Variants in RIMS1 observed in about 807,000 individuals in gnomAD.
The protein encoded by RIMS1 is regulating synaptic membrane exocytosis protein 1.
A neutral mutation model predicts 214.1 loss-of-function variants in RIMS1; 83 were observed. The ratio of observed to expected loss-of-function variants is 0.39; its 90% CI spans 0.32 to 0.47. RIMS1 has a LOEUF of 0.47. Ranked by LOEUF, RIMS1 falls within the 20% of genes least tolerant of loss-of-function variation. The pLI, the probability that RIMS1 is intolerant of heterozygous loss-of-function variation, is 0.99. For missense variants in RIMS1, 2,050 were observed against 2,161.8 expected (o/e 0.95, Z 1.03); for synonymous variants, 793 against 786.8 (o/e 1.01, Z -0.13).
intron 13 of RIMS1, 75 bp downstream of exon 13, chr6:72,250,535 T>A: frequency 8.9e-7 from 1 of 1,121,408 alleles, no homozygotes; most frequent in Non-Finnish European, 1.3e-6. Context: ...TCTTTTGGGA[T>A]GTTTTTAAAA....
intron 26 of RIMS1, among the ~76,000 whole-genome samples, chr6:72,295,144 A>G (rs1249811053): frequency 6.6e-6 from 1 of 151,786 alleles, no homozygotes; most frequent in Non-Finnish European, 1.5e-5. Context: ...TGATGTGTTA[A>G]TTATGTTTTA....
chr6:72,382,511 T>C (rs1048939440), intron 29 of RIMS1, among the ~76,000 whole-genome samples: 2 of 152,200 alleles, frequency 1.3e-5, no homozygotes, highest in African/African-American at 2.4e-5. Context: ...TAATACAAAC[T>C]ACACACAATT....
chr6:72,341,212 A>G (rs1313518009), intron 29 of RIMS1, among the ~76,000 whole-genome samples: 1 of 152,030 alleles, frequency 6.6e-6, no homozygotes, highest in Non-Finnish European at 1.5e-5. Flanking sequence ...TAGGTATACA[A>G]TCATGTCATC....
At chr6:72,038,118 A>AAAAAAAAAAAGAT (rs1820399900) in intron 2 of RIMS1, among the ~76,000 whole-genome samples, 1 of 13,418 alleles carries the variant, frequency 7.5e-5, no homozygotes, top group African/African-American at 3.3e-4. Flanking sequence ...AAAAAAAAAA[A>AAAAAAAAAAAGAT]ATATATATAT....
intron 4 of RIMS1, among the ~76,000 whole-genome samples, chr6:72,106,113 G>A (rs552209465): frequency 6.6e-6 from 1 of 152,032 alleles, no homozygotes; most frequent in Non-Finnish European, 1.5e-5. Context: ...TTCATTGGCC[G>A]ATTTATTTTG....
chr6:72,013,398 T>A (rs1314758576), intron 2 of RIMS1, among the ~76,000 whole-genome samples: 4 of 152,218 alleles, frequency 2.6e-5, no homozygotes, highest in Non-Finnish European at 4.4e-5. Flanking sequence ...GTCCAGTGTA[T>A]ATATTAACTG....
chr6:72,102,359 G>A (rs374955356), intron 4 of RIMS1, among the ~76,000 whole-genome samples: 3 of 151,780 alleles, frequency 2.0e-5, no homozygotes, highest in Admixed American at 2.0e-4. Flanking sequence ...ATAAATGTTA[G>A]CATTACTCTG....
intron 24 of RIMS1, among the ~76,000 whole-genome samples, chr6:72,289,895 G>T (rs1369269824): frequency 6.6e-6 from 1 of 151,736 alleles, no homozygotes; most frequent in Non-Finnish European, 1.5e-5. Context: ...AAAGGCAAAA[G>T]CATGCATTAA....
intron 1 of RIMS1, among the ~76,000 whole-genome samples, chr6:71,918,845 G>A (rs1402050093): frequency 3.3e-5 from 5 of 152,132 alleles, no homozygotes; most frequent in African/African-American, 1.2e-4. Context: ...GGTAGTAGAT[G>A]TTAGAGTGAA....
At chr6:72,032,841 A>G (rs1382826027) in intron 2 of RIMS1, among the ~76,000 whole-genome samples, 1 of 152,170 alleles carries the variant, frequency 6.6e-6, no homozygotes, top group South Asian at 2.1e-4. Flanking sequence ...CTCAAATAGC[A>G]TTTGCCTTGT....
intron 2 of RIMS1, among the ~76,000 whole-genome samples, chr6:72,055,300 A>G (rs191953263): frequency 1.3e-5 from 2 of 152,214 alleles, no homozygotes; most frequent in Admixed American, 1.3e-4. Context: ...TTCCTTATAT[A>G]TTATTATATT....
At chr6:71,986,175 A>T (rs765464643) in intron 2 of RIMS1, among the ~76,000 whole-genome samples, 1 of 143,510 alleles carries the variant, frequency 7.0e-6, no homozygotes, top group Non-Finnish European at 1.5e-5. Flanking sequence ...AGAAACCATC[A>T]CAACTTTGGG....
chr6:72,222,620 T>C (rs1183416891), intron 6 of RIMS1, among the ~76,000 whole-genome samples: 1 of 152,148 alleles, frequency 6.6e-6, no homozygotes, highest in Non-Finnish European at 1.5e-5. Context: ...AGTTTTTCGA[T>C]GTGCCAGATA....
At chr6:71,948,730 G>C (rs373915142) in intron 1 of RIMS1, among the ~76,000 whole-genome samples, 199 of 152,236 alleles carry the variant, frequency 1.3e-3, no homozygotes, top group African/African-American at 4.2e-3. Context: ...AGGATAATAG[G>C]TTGGGCACTG....
At chr6:72,180,536 T>A (rs1478189374) in intron 5 of RIMS1, among the ~76,000 whole-genome samples, 1 of 152,206 alleles carries the variant, frequency 6.6e-6, no homozygotes, top group East Asian at 1.9e-4. Flanking sequence ...ATTTTATAGC[T>A]TTTATTGTAG....
rs577098025 is a variant in RIMS1, at chr6:71,986,231, GAGATACT to G, written c.245+17171_245+17177del. ...TTTAATGTTTCACCCTCTTAGTAGA[GAGATACT>G]AGGTCTTTTCTCATGGTGTCCATAA... On this transcript the variant is annotated intron_variant, in intron 2 of 33. Coordinates refer to ENST00000521978, the MANE Select transcript of RIMS1 (RefSeq NM_014989.7). Among the ~76,000 whole-genome samples, 206 of 148,988 alleles carry G rather than the reference GAGATACT, an allele frequency of 1.4e-3. 2 individuals are homozygous for G. Among genetic ancestry groups the G allele is most frequent in the African/African-American group, 5.0e-3 (201 of 40,432 alleles).
intron 19 of RIMS1, chr6:72,261,254 C>T: frequency 1.0e-6 from 1 of 1,002,186 alleles, no homozygotes; most frequent in South Asian, 4.3e-5. Context: ...TAACAGTTCA[C>T]TTTTAATGGC....
chr6:71,919,435 T>G (rs1433955576), intron 1 of RIMS1, among the ~76,000 whole-genome samples: 1 of 151,958 alleles, frequency 6.6e-6, no homozygotes, highest in Non-Finnish European at 1.5e-5. Context: ...GGTGGGAAGA[T>G]TATCAGTTCG....
intron 6 of RIMS1, among the ~76,000 whole-genome samples, chr6:72,208,017 T>C (rs55708350): frequency 0.18 from 26,939 of 152,010 alleles, 2,966 homozygotes; most frequent in Non-Finnish European, 0.25. Context: ...CACAGGGCCA[T>C]GAGAATGTTT....
Sources: allele counts gnomAD v4.1 joint callset (sites outside exome capture counted in the v4.1 genomes callset), GRCh38; gene constraint gnomAD v4.1.1; transcripts MANE v1.5; gene names NCBI Gene and HGNC (gene_info 2026-07-23, HGNC 2026-07-21).